The following SEC14L5 variants were observed in gnomAD, a reference collection of about 807,000 sequenced individuals.
SEC14L5 encodes SEC14 like lipid binding 5.
SEC14L5 carries 96 observed loss-of-function variants against 84.6 expected under a neutral mutation model. The observed-to-expected ratio is 1.13, with a 90% CI of 0.96 to 1.34. SEC14L5 has a LOEUF of 1.34. Among genes scored for constraint, SEC14L5 ranks in the 40% most tolerant of loss-of-function variants. SEC14L5 has a pLI of 0.00. For synonymous variants in SEC14L5, 546 were observed against 383.4 expected (o/e 1.42, Z -4.95); for missense variants, 1,224 against 942.5 (o/e 1.30, Z -3.91).
Position 4,984,670 on chromosome 16 carries a change from A to G in SEC14L5, c.64-2887A>G, listed in dbSNP as rs537408140. ...CACGTGGGAGGGTTTGGGGGCTTCA[A>G]TTTCTCCACATCCTCACCAGCACTA... On this transcript the variant is annotated intron_variant, in intron 2 of 15. Coordinates refer to ENST00000251170, the MANE Select transcript of SEC14L5 (RefSeq NM_014692.2). Among the ~76,000 whole-genome samples, 310 of 152,296 alleles carry G rather than the reference A, an allele frequency of 2.0e-3. 3 individuals carry two copies. The highest frequency in any genetic ancestry group is 6.8e-3 in the African/African-American group (284 of 41,570).
intron 10 of SEC14L5, among the ~76,000 whole-genome samples, chr16:5,001,361 C>A (rs1483715207): frequency 6.6e-6 from 1 of 151,350 alleles, no homozygotes; most frequent in Non-Finnish European, 1.5e-5. Context: ...CGGGTTCAAG[C>A]GATTCTCCTG....
intron 6 of SEC14L5, 95 bp from the exon 7 acceptor site, chr16:4,996,253 T>A: frequency 1.3e-6 from 1 of 743,662 alleles, no homozygotes; most frequent in Non-Finnish European, 2.3e-6. Flanking sequence ...CGTTTTAGAG[T>A]CAGTGAGGCA....
chr16:4,962,702 A>AC (rs953790071), intron 2 of SEC14L5, among the ~76,000 whole-genome samples: 1 of 151,510 alleles, frequency 6.6e-6, no homozygotes, highest in African/African-American at 2.4e-5. Context: ...AAAAAAAAAA[A>AC]AAAAAACTTC....
In SEC14L5 at chr16:4,988,312, C is replaced by A. The variant is rs780973985; in HGVS notation, c.345+32C>A. 1.4e-5 allele frequency: 23 copies of A among 1,608,204 alleles called. No individual in the cohort carries two copies. In the South Asian group the frequency reaches 2.0e-4, roughly 14 times the overall value. On this transcript the variant is annotated intron_variant, in intron 4 of 15. Transcript: ENST00000251170. ...CCAGGCCACCCTCAGCGCCCACGCCCGGCACCCACCTGCGCCCGGCACCCA... is the reference window on the plus strand; with the variant it reads ...CCAGGCCACCCTCAGCGCCCACGCCAGGCACCCACCTGCGCCCGGCACCCA...
chr16:5,014,805 C>A, intron 15 of SEC14L5, 54 bp from the exon 16 acceptor site: 1 of 1,406,866 alleles, frequency 7.1e-7, no homozygotes, highest in Non-Finnish European at 1.0e-6. Flanking sequence ...GTGTGTCAGC[C>A]CAAGGGCCTT....
At chr16:5,010,880 T>G (rs1567130430) in intron 14 of SEC14L5, 12 of 537,748 alleles carry the variant, frequency 2.2e-5, no homozygotes, top group East Asian at 2.0e-4. Context: ...CTCCCCAGAT[T>G]AAGAGGGAGG....
At chr16:4,993,107 A>C (rs1354280062) in intron 6 of SEC14L5, among the ~76,000 whole-genome samples, 1 of 152,054 alleles carries the variant, frequency 6.6e-6, no homozygotes, top group Non-Finnish European at 1.5e-5. Flanking sequence ...CAGTGGTGCA[A>C]TCGTGTCTCT....
In SEC14L5 at chr16:5,008,426, C is replaced by T. The variant is rs779247629; in HGVS notation, c.1578C>T (p.Ala526=). 14 of 1,609,226 alleles carry T rather than the reference C, an allele frequency of 8.7e-6. No individual in the cohort carries two copies. The highest frequency in any genetic ancestry group is 4.4e-5 in the South Asian group (4 of 90,828). ...SVLRGAPHEV[A]VEILEGESVI... ...CCTCGCCTGTCTCCACACAGGTGGC[C>T]GTGGAGATCCTGGAAGGAGAGTCGG... The change falls in exon 14 of 16, where the codon GCC becomes GCT. Residue 526 remains alanine (A), a synonymous_variant. Coordinates refer to ENST00000251170, the MANE Select transcript of SEC14L5 (RefSeq NM_014692.2).
At chr16:4,999,253 G>T (rs1211971422) in intron 8 of SEC14L5, among the ~76,000 whole-genome samples, 2 of 152,158 alleles carry the variant, frequency 1.3e-5, no homozygotes, top group Non-Finnish European at 1.5e-5. Flanking sequence ...CCAGCTACAG[G>T]GCTGCTGGCC....
chr16:4,967,465 C>T (rs1955214908), intron 2 of SEC14L5, among the ~76,000 whole-genome samples: 1 of 150,208 alleles, frequency 6.7e-6, no homozygotes, highest in South Asian at 2.1e-4. Context: ...TTAGGGGTTA[C>T]ATTTCACAGC....
chr16:4,971,522 G>C (rs1188102914), intron 2 of SEC14L5, among the ~76,000 whole-genome samples: 1 of 152,144 alleles, frequency 6.6e-6, no homozygotes, highest in African/African-American at 2.4e-5. Flanking sequence ...CTCCAGCTTT[G>C]TTGTTCATGG....
At chr16:5,003,985 C>T (rs761066783) in intron 11 of SEC14L5, among the ~76,000 whole-genome samples, 25 of 152,238 alleles carry the variant, frequency 1.6e-4, no homozygotes, top group South Asian at 6.2e-4. Flanking sequence ...CATGTGCGCG[C>T]ACACATACAC....
At position 4,958,454 on chromosome 16, in the gene SEC14L5, C is replaced by G. The variant is rs1299246096; in HGVS notation, c.-52+9C>G. On this transcript the variant is annotated intron_variant, in intron 1 of 15. Coordinates refer to ENST00000251170, the MANE Select transcript of SEC14L5 (RefSeq NM_014692.2). ...ATCGGGCCCCGCCTCAGGTACTGCGCTCCAGGCCAGGCGGGCGCGGGTAAG... is the reference window on the plus strand; with the variant it reads ...ATCGGGCCCCGCCTCAGGTACTGCGGTCCAGGCCAGGCGGGCGCGGGTAAG... The G allele has an allele frequency of 7.9e-6, 1 of 126,556 alleles. No homozygotes were observed. Among genetic ancestry groups the G allele is most frequent in the African/African-American group, 3.4e-5 (1 of 29,558 alleles). The allele number at this position is 126,556 out of a possible 1,614,324, so 7.8% of individuals were successfully genotyped here.
chr16:4,963,546 A>G (rs1297664303), intron 2 of SEC14L5, among the ~76,000 whole-genome samples: 1 of 152,244 alleles, frequency 6.6e-6, no homozygotes, highest in African/African-American at 2.4e-5. Flanking sequence ...GGGTTTCACC[A>G]TGCTGGCCAG....
At position 5,006,004 on chromosome 16, in the gene SEC14L5, C is replaced by G. The variant is rs763520800; in HGVS notation, c.1393C>G (p.Leu465Val). The G allele has an allele frequency of 1.2e-6, 2 of 1,613,772 alleles. No individual in the cohort carries two copies. Among genetic ancestry groups the G allele is most frequent in the East Asian group, 2.2e-5 (1 of 44,884 alleles). Reference protein sequence around the residue: ...YQGPGGLVDYLDREVIPDFLG... With the variant: ...YQGPGGLVDYVDREVIPDFLG... ...GGGACCCGGAGGCCTTGTGGACTAT[C>G]TGGATAGAGAAGTGATCCCTGACTT... is the stretch of plus-strand genomic sequence containing the variant. Residue 465 changes from leucine to valine, a missense_variant, in exon 12 of 16, where the codon CTG (leucine) becomes GTG (valine). Physicochemically the swap from Leu to Val is conservative, Grantham distance 32. Transcript: ENST00000251170.
intron 2 of SEC14L5, among the ~76,000 whole-genome samples, chr16:4,975,569 T>A (rs1014671277): frequency 1.3e-5 from 2 of 152,070 alleles, no homozygotes; most frequent in African/African-American, 4.8e-5. Context: ...ATCCACTTAT[T>A]GGTTGATGGG....
Position 5,007,354 on chromosome 16 carries a change from TA to T in SEC14L5, c.1442del (p.Asn481MetfsTer14). On this transcript the variant is annotated frameshift_variant, in exon 13 of 16. Coordinates refer to ENST00000251170, the MANE Select transcript of SEC14L5 (RefSeq NM_014692.2). LOFTEE classifies it high-confidence loss of function. ...TGCCCTTTATCTCTGACCTGCAGTG[TA>T]ATGTCCCCGAAGGAGGGCTGGTCCC... is the stretch of plus-strand genomic sequence containing the variant. ...PDFLGGESVC[N>X]VPEGGLVPKS... 1 of 1,613,722 alleles carries T rather than the reference TA, an allele frequency of 6.2e-7. No individual in the cohort carries two copies. The highest frequency in any genetic ancestry group is 8.5e-7 in the Non-Finnish European group (1 of 1,179,774).
In SEC14L5 at chr16:5,017,003, C is replaced by T. The variant is rs952614643; in HGVS notation, c.*2033C>T. ...GGCATTTATTGCTGAGAGCAACTTG[C>T]AATATTTTCAACTATCTTTAAGTGA... On this transcript the variant is annotated 3_prime_UTR_variant, in exon 16 of 16. Coordinates refer to ENST00000251170, the MANE Select transcript of SEC14L5 (RefSeq NM_014692.2). 3.3e-5 allele frequency: 5 copies of T among 152,208 alleles called. No individual in the cohort carries two copies. Among genetic ancestry groups the T allele is most frequent in the African/African-American group, 1.2e-4 (5 of 41,446 alleles). The allele number at this position is 152,208 out of a possible 1,614,324, so 9.4% of individuals were successfully genotyped here. A position where few individuals can be genotyped will look rare whatever the true frequency, so the allele number is the denominator to read the frequency against.
chr16:4,998,012 T>C (rs898472493), intron 8 of SEC14L5, among the ~76,000 whole-genome samples: 103 of 151,018 alleles, frequency 6.8e-4, no homozygotes, highest in African/African-American at 2.5e-3. Context: ...TCTTTTTTTT[T>C]TTTTTTTTTG....
Sources: allele counts gnomAD v4.1 joint callset (sites outside exome capture counted in the v4.1 genomes callset), GRCh38; gene constraint gnomAD v4.1.1; transcripts MANE v1.5; gene names NCBI Gene and HGNC (gene_info 2026-07-23, HGNC 2026-07-21).